The following ESD variants were observed in gnomAD, a reference collection of about 807,000 sequenced individuals.
The protein encoded by ESD is esterase D.
In ESD, 34 loss-of-function variants were observed where a neutral mutation model predicts 38.1. The observed-to-expected ratio is 0.89, with a 90% CI of 0.68 to 1.19. The LOEUF is 1.19. ESD is among the 50% of genes most tolerant of loss of function. The pLI, the probability that ESD is intolerant of heterozygous loss-of-function variation, is 0.00. For missense variants in ESD, 334 were observed against 327.2 expected (o/e 1.02, Z -0.16); for synonymous variants, 97 against 107.0 (o/e 0.91, Z 0.58).
chr13:46,787,222 AG>A (rs1208715107), intron 3 of ESD, 113 bp from the exon 4 acceptor site: 1 of 524,912 alleles, frequency 1.9e-6, no homozygotes, highest in African/African-American at 1.9e-5. Context: ...GTCCAAAATA[AG>A]TTATTTAATG....
intron 7 of ESD, among the ~76,000 whole-genome samples, chr13:46,781,192 C>T (rs903149967): frequency 2.0e-5 from 3 of 151,506 alleles, no homozygotes; most frequent in Non-Finnish European, 4.4e-5. Flanking sequence ...TAATAATAAC[C>T]TTTACAGAAA....
chr13:46,772,474 G>A (rs1874640925), intron 9 of ESD, among the ~76,000 whole-genome samples: 2 of 152,124 alleles, frequency 1.3e-5, no homozygotes, highest in Non-Finnish European at 2.9e-5. Flanking sequence ...TACATGTGCT[G>A]GATATGCAGT....
chr13:46,772,969 C>T (rs1001342004), intron 9 of ESD, among the ~76,000 whole-genome samples: 2 of 152,162 alleles, frequency 1.3e-5, no homozygotes, highest in Non-Finnish European at 2.9e-5. Context: ...CAGGCGTGAG[C>T]CACTGCGCCT....
chr13:46,784,498 G>T (rs990417857), intron 4 of ESD, 148 bp from the exon 5 acceptor site: 1 of 574,860 alleles, frequency 1.7e-6, no homozygotes, highest in Middle Eastern at 3.3e-4. Flanking sequence ...CCGGGTGATG[G>T]TATCTTTCAT....
chr13:46,780,643 T>A (rs916802767), intron 7 of ESD, among the ~76,000 whole-genome samples: 1 of 151,698 alleles, frequency 6.6e-6, no homozygotes, highest in East Asian at 1.9e-4. Flanking sequence ...TCAGACATGA[T>A]AGACTGCCTT....
At chr13:46,782,487 T>C (rs1408629519) in intron 6 of ESD, among the ~76,000 whole-genome samples, 180 bp downstream of exon 6, 1 of 151,892 alleles carries the variant, frequency 6.6e-6, no homozygotes, top group Admixed American at 6.6e-5. Context: ...TTATATTCTT[T>C]AATTGTACTT....
chr13:46,771,592 A>G (rs1004092426), intron 9 of ESD, 96 bp from the exon 10 acceptor site: 7 of 721,034 alleles, frequency 9.7e-6, no homozygotes, highest in African/African-American at 1.8e-5. Context: ...TAATTTGCTT[A>G]CAAATAGTCA....
chr13:46,779,045 G>C (rs1020924516), intron 8 of ESD, among the ~76,000 whole-genome samples: 5 of 151,578 alleles, frequency 3.3e-5, no homozygotes, highest in Non-Finnish European at 7.4e-5. Flanking sequence ...ATCATGATGA[G>C]TTCATTTGCA....
At chr13:46,784,221 T>G in intron 5 of ESD, 31 bp downstream of exon 5, 2 of 1,536,746 alleles carry the variant, frequency 1.3e-6, no homozygotes, top group Non-Finnish European at 9.0e-7. Flanking sequence ...TTTAGATTTT[T>G]ACAAAGGATA....
intron 3 of ESD, among the ~76,000 whole-genome samples, chr13:46,790,910 A>G (rs1459803026): frequency 6.6e-6 from 1 of 152,094 alleles, no homozygotes. Context: ...CTTTATAGGT[A>G]TATGTATGTG....
intron 9 of ESD, among the ~76,000 whole-genome samples, chr13:46,772,678 G>C (rs1202024849): frequency 1.3e-5 from 2 of 152,126 alleles, no homozygotes; most frequent in African/African-American, 4.8e-5. Context: ...TTATAAGTGA[G>C]AGCATGTGGT....
chr13:46,772,902 T>C (rs1438131749), intron 9 of ESD, among the ~76,000 whole-genome samples: 1 of 152,174 alleles, frequency 6.6e-6, no homozygotes, highest in South Asian at 2.1e-4. Flanking sequence ...GCCAGGATGG[T>C]CTCGATCTCC....
intron 5 of ESD, 53 bp from the exon 6 acceptor site, chr13:46,782,844 T>G: frequency 6.3e-7 from 1 of 1,593,544 alleles, no homozygotes; most frequent in African/African-American, 1.3e-5. Flanking sequence ...TGGCCCATGT[T>G]TAATAACACA....
intron 9 of ESD, among the ~76,000 whole-genome samples, chr13:46,774,377 T>C (rs1041791247): frequency 6.6e-6 from 1 of 152,202 alleles, no homozygotes; most frequent in Non-Finnish European, 1.5e-5. Flanking sequence ...AGTTACACAA[T>C]TCGAGCTAAT....
Position 46,779,976 on chromosome 13 carries a change from C to T in ESD, c.559G>A (p.Ala187Thr). The T allele has an allele frequency of 6.2e-7, 1 of 1,605,550 alleles. No homozygotes were observed. The highest frequency in any genetic ancestry group is 1.7e-5 in the Admixed American group (1 of 59,534). ...NPVLCPWGKKAFSGYLGTDQS... is the reference protein window; with the variant it reads ...NPVLCPWGKKTFSGYLGTDQS... ...TCTGTTCCCAAATATCCACTAAAGG[C>T]TTTTTTGCCCCAGGGACAGAGTACA... Residue 187 changes from alanine to threonine, a missense_variant, in exon 8 of 10, where the codon GCC becomes ACC. Physicochemically the swap from Ala to Thr is moderately conservative, Grantham distance 58. Transcript: ENST00000378720.
intron 8 of ESD, among the ~76,000 whole-genome samples, chr13:46,778,048 T>A (rs548609923): frequency 2.6e-5 from 4 of 151,474 alleles, no homozygotes; most frequent in Non-Finnish European, 5.9e-5. Context: ...TTTCAGATAA[T>A]CTTTTTTTTT....
At chr13:46,775,741 T>A (rs1874776170) in intron 9 of ESD, 1 of 459,430 alleles carries the variant, frequency 2.2e-6, no homozygotes, top group Non-Finnish European at 4.5e-6. Context: ...ACATTGTGAC[T>A]CTGGTGCTTT....
chr13:46,771,561 A>T (rs1874608874), intron 9 of ESD, 65 bp from the exon 10 acceptor site: 1 of 1,010,370 alleles, frequency 9.9e-7, no homozygotes, highest in African/African-American at 1.6e-5. Flanking sequence ...TAGGAACATT[A>T]AATATATCTC....
At chr13:46,772,707 T>C (rs1440109351) in intron 9 of ESD, among the ~76,000 whole-genome samples, 2 of 152,100 alleles carry the variant, frequency 1.3e-5, no homozygotes, top group Non-Finnish European at 2.9e-5. Flanking sequence ...TTTTTTTTTT[T>C]TGAGACGGAG....
Sources: gnomAD v4.1 joint callset for allele counts (sites outside exome capture counted in the v4.1 genomes callset) on GRCh38, gnomAD v4.1.1 for gene constraint, MANE v1.5 for transcripts, NCBI Gene and HGNC (gene_info 2026-07-23, HGNC 2026-07-21) for gene names.